DMXL1: variants seen among roughly 807,000 people sequenced by gnomAD.
DMXL1 encodes Dmx like 1.
In DMXL1, 99 loss-of-function variants were observed where a neutral mutation model predicts 319.2. The ratio of observed to expected loss-of-function variants is 0.31; its 90% CI spans 0.26 to 0.37. The LOEUF (loss-of-function observed/expected upper bound fraction) is 0.37, where lower values mean the gene tolerates loss of function less well. Ranked by LOEUF, DMXL1 falls within the 10% of genes least tolerant of loss-of-function variation. The probability of loss-of-function intolerance (pLI) is 1.00; values close to 1 mark genes in which losing one functional copy is unlikely to be tolerated. For synonymous variants in DMXL1, 1,385 were observed against 1,235.2 expected (o/e 1.12, Z -2.54); for missense variants, 3,745 against 3,595.6 (o/e 1.04, Z -1.06).
chr5:119,219,353 A>G (rs1189098885), intron 35 of DMXL1, among the ~76,000 whole-genome samples: 1 of 152,146 alleles, frequency 6.6e-6, no homozygotes, highest in African/African-American at 2.4e-5. Flanking sequence ...GGCAGACATG[A>G]CTCACTTATA....
intron 34 of DMXL1, among the ~76,000 whole-genome samples, chr5:119,214,469 C>T (rs1439532588): frequency 2.0e-5 from 3 of 152,182 alleles, no homozygotes; most frequent in Non-Finnish European, 2.9e-5. Context: ...CCAATGGTTT[C>T]GCTGCCTTAG....
Position 119,071,459 on chromosome 5 carries a change from C to T in DMXL1, c.-111C>T, listed in dbSNP as rs1358899598. The T allele has an allele frequency of 1.8e-5, 19 of 1,075,578 alleles. No individual in the cohort carries two copies. Among genetic ancestry groups the T allele is most frequent in the South Asian group, 2.7e-5 (2 of 74,028 alleles). 66.6% of individuals were successfully genotyped at this position (1,075,578 alleles called of 1,614,324 possible). ...CTCCAGGCGCCTGTCGCTGCTTCTGCCGTCGCCACCGAAGAGCGGCCGCCG... is the reference window on the plus strand; with the variant it reads ...CTCCAGGCGCCTGTCGCTGCTTCTGTCGTCGCCACCGAAGAGCGGCCGCCG... On this transcript the variant is annotated 5_prime_UTR_variant, in exon 1 of 44. Transcript: ENST00000539542.
intron 43 of DMXL1, among the ~76,000 whole-genome samples, chr5:119,245,544 T>C (rs1290031142): frequency 6.7e-6 from 1 of 149,936 alleles, no homozygotes; most frequent in Non-Finnish European, 1.5e-5. Context: ...GTCGGTTCTT[T>C]TTTTTTTTTT....
chr5:119,211,206 A>T (rs1255023491), intron 34 of DMXL1, among the ~76,000 whole-genome samples: 1 of 152,016 alleles, frequency 6.6e-6, no homozygotes, highest in African/African-American at 2.4e-5. Context: ...TTCATGAGGG[A>T]TATTGGTTTG....
chr5:119,145,603 CTT>C (rs1561712381), intron 15 of DMXL1, among the ~76,000 whole-genome samples: 1 of 151,706 alleles, frequency 6.6e-6, no homozygotes, highest in Non-Finnish European at 1.5e-5. Context: ...ATTTAAGTCT[CTT>C]TAAAACTTTT....
Position 119,244,546 on chromosome 5 carries a change from TG to T in DMXL1, c.8893del (p.Val2965LeufsTer9). On this transcript the variant is annotated frameshift_variant, in exon 43 of 44. Coordinates refer to ENST00000539542, the MANE Select transcript of DMXL1 (RefSeq NM_001290321.3). LOFTEE classifies it high-confidence loss of function. ...VAVDPTEEYF[V>X]TGSAEGNIKI... ...CTGTTGATCCAACTGAAGAGTACTT[TG>T]TTACAGGATCTGCCGAAGGCAATAT... is the stretch of plus-strand genomic sequence containing the variant. The T allele has an allele frequency of 6.2e-7, 1 of 1,614,156 alleles. No individual in the cohort carries two copies. The highest frequency in any genetic ancestry group is 8.5e-7 in the Non-Finnish European group (1 of 1,180,000).
chr5:119,086,961 C>G (rs1168986194), intron 1 of DMXL1, among the ~76,000 whole-genome samples: 1 of 151,942 alleles, frequency 6.6e-6, no homozygotes, highest in Non-Finnish European at 1.5e-5. Flanking sequence ...TTTATCCACT[C>G]ACTTCTGGAT....
At chr5:119,183,503 C>G (rs531711508) in intron 28 of DMXL1, among the ~76,000 whole-genome samples, 1 of 152,172 alleles carries the variant, frequency 6.6e-6, no homozygotes, top group South Asian at 2.1e-4. Context: ...GGCAGAGACT[C>G]GTACCGTCGC....
At chr5:119,212,314 C>G (rs886562506) in intron 34 of DMXL1, among the ~76,000 whole-genome samples, 1 of 152,152 alleles carries the variant, frequency 6.6e-6, no homozygotes, top group African/African-American at 2.4e-5. Flanking sequence ...TAATAGTTAT[C>G]CTTTTGTGAC....
chr5:119,131,424 ATTTC>A (rs748466464), intron 10 of DMXL1, among the ~76,000 whole-genome samples: 6 of 152,104 alleles, frequency 3.9e-5, no homozygotes, highest in Admixed American at 6.5e-5. Context: ...CCTTGAAATG[ATTTC>A]TTTAAGATGC....
intron 38 of DMXL1, among the ~76,000 whole-genome samples, chr5:119,228,798 G>C (rs1238810821): frequency 1.3e-5 from 2 of 151,838 alleles, no homozygotes; most frequent in African/African-American, 4.8e-5. Context: ...AGGTTACTGT[G>C]GAAAAATATT....
intron 29 of DMXL1, among the ~76,000 whole-genome samples, chr5:119,192,425 A>C (rs1778858652): frequency 6.6e-6 from 1 of 152,052 alleles, no homozygotes; most frequent in African/African-American, 2.4e-5. Context: ...TGACCCTGAA[A>C]CTTTTTCCAG....
At chr5:119,235,777 AATAG>A (rs1189648239) in intron 39 of DMXL1, among the ~76,000 whole-genome samples, 1 of 152,136 alleles carries the variant, frequency 6.6e-6, no homozygotes, top group African/African-American at 2.4e-5. Flanking sequence ...GCCTGTCACA[AATAG>A]ATAGGAGAAC....
At chr5:119,122,065 G>A (rs1355183041) in intron 9 of DMXL1, among the ~76,000 whole-genome samples, 2 of 144,890 alleles carry the variant, frequency 1.4e-5, no homozygotes, top group Non-Finnish European at 3.0e-5. Flanking sequence ...CCTCCCGGTC[G>A]GGGCGGCTGG....
intron 19 of DMXL1, among the ~76,000 whole-genome samples, chr5:119,152,540 T>A (rs1770041711): frequency 6.6e-6 from 1 of 152,236 alleles, no homozygotes. Flanking sequence ...TTTCATGTAT[T>A]CTATATTTAG....
At chr5:119,209,339 T>G (rs2150503234) in intron 34 of DMXL1, among the ~76,000 whole-genome samples, 1 of 150,578 alleles carries the variant, frequency 6.6e-6, no homozygotes, top group Non-Finnish European at 1.5e-5. Flanking sequence ...GTGTACGAAA[T>G]CCCATTCTAT....
rs757382578 is a variant in DMXL1 at position 119,133,293 on chromosome 5, C to T, written c.1477C>T (p.Leu493=). The change falls in exon 11 of 44, where the codon CTA becomes TTA. Residue 493 remains leucine (L), a synonymous_variant. Coordinates refer to ENST00000539542, the MANE Select transcript of DMXL1 (RefSeq NM_001290321.3). The part of the protein sequence containing the change: ...LSEWSKNADM[L]FSIHPMDGSL... ...TGAATGGAGTAAAAATGCAGATATG[C>T]TATTTAGTATTCATCCCATGGATGG... 3.6e-5 allele frequency: 58 copies of T among 1,613,864 alleles called. No individual in the cohort carries two copies. The Admixed American group carries it at 9.0e-4, about 25-fold the overall frequency.
chr5:119,075,773 C>T (rs1165887593), intron 1 of DMXL1, among the ~76,000 whole-genome samples: 1 of 151,794 alleles, frequency 6.6e-6, no homozygotes, highest in Non-Finnish European at 1.5e-5. Context: ...TTATGTTGCC[C>T]AGGCTGATGT....
chr5:119,081,474 T>C, intron 1 of DMXL1: 1 of 729,904 alleles, frequency 1.4e-6, no homozygotes, highest in Non-Finnish European at 1.7e-6. Flanking sequence ...TTTTAATGTG[T>C]AAAAACTGCT....
Sources: gnomAD v4.1 joint callset for allele counts (sites outside exome capture counted in the v4.1 genomes callset) on GRCh38, gnomAD v4.1.1 for gene constraint, MANE v1.5 for transcripts, NCBI Gene and HGNC (gene_info 2026-07-23, HGNC 2026-07-21) for gene names.